Variants in RAP1GAP2 observed in about 807,000 individuals in gnomAD.
RAP1GAP2 encodes the protein rap1 GTPase-activating protein 2.
In RAP1GAP2, 27 loss-of-function variants were observed where a neutral mutation model predicts 95.0. The ratio of observed to expected loss-of-function variants is 0.28; its 90% CI spans 0.21 to 0.39. The LOEUF (loss-of-function observed/expected upper bound fraction) is 0.39. Ranked by LOEUF, RAP1GAP2 falls within the 10% of genes least tolerant of loss-of-function variation. RAP1GAP2 has a pLI of 1.00. For synonymous variants in RAP1GAP2, 373 were observed against 380.9 expected, an observed-to-expected ratio of 0.98 and a Z score of 0.24; for missense variants, 771 against 970.0, an observed-to-expected ratio of 0.79 and a Z score of 2.72.
chr17:2,837,828 G>A (rs554739468), intron 2 of RAP1GAP2, among the ~76,000 whole-genome samples: 105 of 151,436 alleles, frequency 6.9e-4, no homozygotes, highest in Non-Finnish European at 1.3e-3. Flanking sequence ...GGATGGTCTC[G>A]ATCCCCTGAC....
intron 17 of RAP1GAP2, among the ~76,000 whole-genome samples, chr17:3,014,654 A>G (rs1457257628): frequency 6.7e-6 from 1 of 150,114 alleles, no homozygotes. Flanking sequence ...GATTCAAGCA[A>G]TTCTTCTGCC....
intron 10 of RAP1GAP2, 32 bp downstream of exon 10, chr17:2,981,280 C>A: frequency 1.3e-6 from 2 of 1,579,958 alleles, no homozygotes; most frequent in East Asian, 2.3e-5. Context: ...ACATAGGGGC[C>A]CTGCAGCTTG....
At chr17:2,881,802 G>A (rs952002387) in intron 2 of RAP1GAP2, among the ~76,000 whole-genome samples, 3 of 152,006 alleles carry the variant, frequency 2.0e-5, no homozygotes, top group African/African-American at 7.2e-5. Flanking sequence ...GGCCATCCTA[G>A]TGGGTGTGAT....
At chr17:2,899,202 T>A (rs1338891192) in intron 2 of RAP1GAP2, among the ~76,000 whole-genome samples, 1 of 151,224 alleles carries the variant, frequency 6.6e-6, no homozygotes, top group East Asian at 1.9e-4. Flanking sequence ...TTTTTATTTT[T>A]ATTTTATTTT....
intron 1 of RAP1GAP2, among the ~76,000 whole-genome samples, chr17:2,769,231 CTAAAAAAAA>C (rs2151433240): frequency 1.6e-5 from 1 of 61,414 alleles, no homozygotes; most frequent in Admixed American, 2.5e-4. Context: ...AACCATTTCT[CTAAAAAAAA>C]AAAAAAAAAA....
chr17:2,770,988 A>G (rs910559815), intron 2 of RAP1GAP2, among the ~76,000 whole-genome samples: 28 of 152,214 alleles, frequency 1.8e-4, no homozygotes, highest in African/African-American at 6.8e-4. Context: ...CAGAGGTTGC[A>G]GTGAGCCGCA....
rs374286322 is a variant in RAP1GAP2, at chr17:2,998,414, C to T, written c.1200+38C>T. On this transcript the variant is annotated intron_variant, in intron 14 of 24. Coordinates refer to ENST00000254695, the MANE Select transcript of RAP1GAP2 (RefSeq NM_015085.5). ...CCTTGTTGGAGGGAGTGGTGGGCCT[C>T]GACACCTCACCCTGTGTGGATGCTG... 3.7e-5 allele frequency: 60 copies of T among 1,603,812 alleles called. No individual in the cohort carries two copies. In the East Asian group the frequency reaches 7.6e-4, roughly 20 times the overall value.
intron 3 of RAP1GAP2, among the ~76,000 whole-genome samples, chr17:2,957,267 G>A (rs977361609): frequency 2.6e-5 from 4 of 152,212 alleles, no homozygotes; most frequent in African/African-American, 4.8e-5. Flanking sequence ...AGAGGCAGAG[G>A]TGGCATAGCG....
chr17:2,884,983 G>A (rs986873095), intron 2 of RAP1GAP2, among the ~76,000 whole-genome samples: 2 of 151,138 alleles, frequency 1.3e-5, no homozygotes, highest in African/African-American at 2.4e-5. Flanking sequence ...CCTCATAGCC[G>A]TTACGGCCTG....
intron 3 of RAP1GAP2, among the ~76,000 whole-genome samples, chr17:2,939,973 A>C (rs1420053064): frequency 1.3e-5 from 2 of 152,278 alleles, no homozygotes; most frequent in African/African-American, 2.4e-5. Context: ...CGTCAGCAGC[A>C]GCCGCCGCCG....
At chr17:2,790,633 C>T (rs2068900651) in intron 1 of RAP1GAP2, among the ~76,000 whole-genome samples, 1 of 152,170 alleles carries the variant, frequency 6.6e-6, no homozygotes, top group Admixed American at 6.5e-5. Flanking sequence ...CTGGGTCAGA[C>T]CACCTAGTGC....
intron 2 of RAP1GAP2, among the ~76,000 whole-genome samples, chr17:2,813,613 CCT>C (rs2069869679): frequency 6.6e-6 from 1 of 152,150 alleles, no homozygotes; most frequent in Non-Finnish European, 1.5e-5. Context: ...TGTTGCGCAG[CCT>C]CTCTAGCCTG....
chr17:2,911,640 G>T (rs992698061), intron 3 of RAP1GAP2, among the ~76,000 whole-genome samples: 1 of 149,468 alleles, frequency 6.7e-6, no homozygotes, highest in African/African-American at 2.5e-5. Context: ...GATGTGAAAT[G>T]TGGCTTCTCA....
At chr17:2,828,222 T>A (rs2070667999) in intron 2 of RAP1GAP2, among the ~76,000 whole-genome samples, 1 of 152,008 alleles carries the variant, frequency 6.6e-6, no homozygotes, top group Non-Finnish European at 1.5e-5. Flanking sequence ...ACGCCTGTAA[T>A]CCCAGCTACT....
At chr17:2,951,907 G>A (rs2043937136) in intron 3 of RAP1GAP2, among the ~76,000 whole-genome samples, 2 of 152,032 alleles carry the variant, frequency 1.3e-5, no homozygotes, top group South Asian at 2.1e-4. Flanking sequence ...GGTGGTGGGC[G>A]CCTGTAGTCC....
chr17:2,941,796 T>G (rs1484854072), intron 3 of RAP1GAP2, among the ~76,000 whole-genome samples: 1 of 151,922 alleles, frequency 6.6e-6, no homozygotes, highest in African/African-American at 2.4e-5. Context: ...GATTCTCCTG[T>G]GTCAGCCTCT....
At chr17:3,017,943 G>GTGTGTA (rs1210090035) in intron 17 of RAP1GAP2, 118 bp from the exon 18 acceptor site, 14 of 847,432 alleles carry the variant, frequency 1.7e-5, no homozygotes, top group South Asian at 3.5e-5. Context: ...GTGTGTGTGT[G>GTGTGTA]TGTGTATGTG....
At chr17:3,009,765 G>T (rs993276219) in intron 17 of RAP1GAP2, among the ~76,000 whole-genome samples, 21 of 152,290 alleles carry the variant, frequency 1.4e-4, no homozygotes, top group African/African-American at 4.8e-4. Context: ...GACAGTGGGA[G>T]CCCGGGTGAA....
chr17:2,758,151 G>C (rs929766223), intron 1 of RAP1GAP2, among the ~76,000 whole-genome samples: 1 of 149,516 alleles, frequency 6.7e-6, no homozygotes, highest in Non-Finnish European at 1.5e-5. Context: ...TTACAGGCGT[G>C]AGCCACCACG....
Sources: gnomAD v4.1 joint callset for allele counts (sites outside exome capture counted in the v4.1 genomes callset) on GRCh38, gnomAD v4.1.1 for gene constraint, MANE v1.5 for transcripts, NCBI Gene and HGNC (gene_info 2026-07-23, HGNC 2026-07-21) for gene names.